The following MACROD2 variants were observed in gnomAD, a reference collection of about 807,000 sequenced individuals.
The protein encoded by MACROD2 is mono-ADP ribosylhydrolase 2, also known as ADP-ribose glycohydrolase MACROD2.
A neutral mutation model predicts 70.4 loss-of-function variants in MACROD2; 36 were observed. That is an observed-to-expected ratio of 0.51 (90% CI 0.39 to 0.68). MACROD2 has a LOEUF of 0.68. Ranked by LOEUF, MACROD2 falls within the 30% of genes least tolerant of loss-of-function variation. The probability of loss-of-function intolerance (pLI) is 0.00; values close to 1 mark genes in which losing one functional copy is unlikely to be tolerated. For missense variants in MACROD2, 496 were observed against 538.4 expected, an observed-to-expected ratio of 0.92 and a Z score of 0.78; for synonymous variants, 172 against 178.8, an observed-to-expected ratio of 0.96 and a Z score of 0.30.
At chr20:14,381,140 A>T (rs923961754) in intron 3 of MACROD2, among the ~76,000 whole-genome samples, 20 of 152,166 alleles carry the variant, frequency 1.3e-4, no homozygotes, top group African/African-American at 4.8e-4. Flanking sequence ...TGGAACAGAG[A>T]CTGATCTGGA....
At chr20:14,965,105 T>A (rs1334953351) in intron 5 of MACROD2, among the ~76,000 whole-genome samples, 1 of 152,092 alleles carries the variant, frequency 6.6e-6, no homozygotes, top group Non-Finnish European at 1.5e-5. Flanking sequence ...TTACTATAAA[T>A]GGTCAGCAGA....
chr20:15,358,303 G>A (rs1320345002), intron 6 of MACROD2, among the ~76,000 whole-genome samples: 1 of 152,154 alleles, frequency 6.6e-6, no homozygotes, highest in Non-Finnish European at 1.5e-5. Context: ...AGTACAAAGT[G>A]TTGTAGGAAT....
At chr20:14,080,347 G>A (rs1173543936) in intron 2 of MACROD2, among the ~76,000 whole-genome samples, 1 of 150,184 alleles carries the variant, frequency 6.7e-6, no homozygotes, top group Non-Finnish European at 1.5e-5. Flanking sequence ...GGAGGCTGAA[G>A]GAGGAGAATG....
chr20:15,903,013 A>C (rs535954052), intron 10 of MACROD2, among the ~76,000 whole-genome samples: 1 of 152,230 alleles, frequency 6.6e-6, no homozygotes, highest in East Asian at 1.9e-4. Context: ...TTTCTATTTG[A>C]GAAGAAACCT....
intron 9 of MACROD2, among the ~76,000 whole-genome samples, chr20:15,877,121 G>A (rs1025791312): frequency 2.0e-5 from 3 of 152,026 alleles, no homozygotes; most frequent in Non-Finnish European, 2.9e-5. Flanking sequence ...TTATCCTGGC[G>A]ACTGCTCTGC....
At chr20:14,303,346 C>T (rs1007497546) in intron 3 of MACROD2, among the ~76,000 whole-genome samples, 31 of 152,136 alleles carry the variant, frequency 2.0e-4, no homozygotes, top group African/African-American at 3.6e-4. Flanking sequence ...GCATCCACCA[C>T]GCCCCAGAGA....
chr20:14,863,033 T>C (rs1239093612), intron 5 of MACROD2, among the ~76,000 whole-genome samples: 1 of 151,944 alleles, frequency 6.6e-6, no homozygotes, highest in Admixed American at 6.6e-5. Flanking sequence ...CGCTATAGTT[T>C]CTAATAAGGT....
At chr20:14,712,463 C>T (rs1026887333) in intron 5 of MACROD2, among the ~76,000 whole-genome samples, 1 of 152,128 alleles carries the variant, frequency 6.6e-6, no homozygotes, top group African/African-American at 2.4e-5. Flanking sequence ...TTTCTTACAG[C>T]TCCTGATACA....
intron 6 of MACROD2, among the ~76,000 whole-genome samples, chr20:15,359,259 C>T (rs1205976365): frequency 6.6e-6 from 1 of 151,742 alleles, no homozygotes; most frequent in African/African-American, 2.4e-5. Flanking sequence ...TTCCACTGTA[C>T]ATGCATTGAT....
chr20:14,292,217 C>T (rs147232398), intron 3 of MACROD2, among the ~76,000 whole-genome samples: 1 of 152,020 alleles, frequency 6.6e-6, no homozygotes, highest in East Asian at 1.9e-4. Context: ...CTAGCCAACA[C>T]TCATACAGCT....
At chr20:14,948,473 A>G (rs1262488656) in intron 5 of MACROD2, among the ~76,000 whole-genome samples, 2 of 152,194 alleles carry the variant, frequency 1.3e-5, no homozygotes, top group Non-Finnish European at 1.5e-5. Context: ...CTTCACCTGC[A>G]ACATTTCCTT....
intron 5 of MACROD2, among the ~76,000 whole-genome samples, chr20:14,838,127 A>G (rs1485993579): frequency 6.6e-6 from 1 of 151,958 alleles, no homozygotes; most frequent in Non-Finnish European, 1.5e-5. Context: ...ATCTTGTTTG[A>G]GTCATTTGTT....
chr20:14,871,468 T>A (rs1237070749), intron 5 of MACROD2, among the ~76,000 whole-genome samples: 1 of 152,004 alleles, frequency 6.6e-6, no homozygotes, highest in South Asian at 2.1e-4. Context: ...GACAAGTAAA[T>A]GCTAAGGGAA....
chr20:15,070,581 T>C (rs754269727), intron 5 of MACROD2, among the ~76,000 whole-genome samples: 58 of 152,116 alleles, frequency 3.8e-4, no homozygotes, highest in Non-Finnish European at 6.5e-4. Flanking sequence ...CCCCATAGTT[T>C]CAGTTCATGC....
At chr20:15,932,731 C>T (rs972128642) in intron 10 of MACROD2, among the ~76,000 whole-genome samples, 1 of 152,120 alleles carries the variant, frequency 6.6e-6, no homozygotes, top group Non-Finnish European at 1.5e-5. Flanking sequence ...CTTCATTGCA[C>T]CTGACCAGTT....
chr20:14,698,851 A>G (rs6135226), intron 5 of MACROD2, among the ~76,000 whole-genome samples: 56,850 of 150,712 alleles, frequency 0.38, 11,284 homozygotes, highest in East Asian at 0.6. Flanking sequence ...CAAAGTTATC[A>G]GAAGAACTAG....
intron 5 of MACROD2, among the ~76,000 whole-genome samples, chr20:14,840,877 G>C (rs1448488477): frequency 6.6e-6 from 1 of 152,020 alleles, no homozygotes; most frequent in African/African-American, 2.4e-5. Flanking sequence ...AAAGAGTGCA[G>C]GGCTAGTATG....
At chr20:15,952,884 A>T (rs1476197759) in intron 12 of MACROD2, among the ~76,000 whole-genome samples, 3 of 152,150 alleles carry the variant, frequency 2.0e-5, no homozygotes, top group Non-Finnish European at 4.4e-5. Flanking sequence ...ATCTACCACC[A>T]TGCCACCCTG....
chr20:15,733,478 A>G (rs1485254264), intron 8 of MACROD2, among the ~76,000 whole-genome samples: 4 of 152,168 alleles, frequency 2.6e-5, no homozygotes, highest in African/African-American at 9.6e-5. Flanking sequence ...TTTCTAAAAT[A>G]TGCATTAAAG....
Sources: gnomAD v4.1 joint callset for allele counts (sites outside exome capture counted in the v4.1 genomes callset) on GRCh38, gnomAD v4.1.1 for gene constraint, MANE v1.5 for transcripts, NCBI Gene and HGNC (gene_info 2026-07-23, HGNC 2026-07-21) for gene names.